CD276: variants seen among roughly 807,000 people sequenced by gnomAD.
CD276 encodes the protein CD276 antigen.
Under a neutral mutation model 50.0 loss-of-function variants are expected in CD276, and 34 were observed. That is an observed-to-expected ratio of 0.68 (90% CI 0.52 to 0.91). The LOEUF (loss-of-function observed/expected upper bound fraction) is 0.91, where lower values mean the gene tolerates loss of function less well. CD276 is among the 40% of genes least tolerant of loss of function. The pLI, the probability that CD276 is intolerant of heterozygous loss-of-function variation, is 0.00. For missense variants in CD276, 634 were observed against 717.5 expected (o/e 0.88, Z 1.33); for synonymous variants, 275 against 313.0 (o/e 0.88, Z 1.28).
intron 4 of CD276, 32 bp downstream of exon 4, chr15:73,703,118 G>T: frequency 6.5e-7 from 1 of 1,541,024 alleles, no homozygotes; most frequent in Non-Finnish European, 8.8e-7. Flanking sequence ...CTTGGGGGAG[G>T]GGGGTTCTGC....
At position 73,691,446 on chromosome 15, in the gene CD276, A is replaced by G. The variant is rs542136784; in HGVS notation, c.-55+6986A>G. Among the ~76,000 whole-genome samples, 4 of 152,264 alleles carry G rather than the reference A, an allele frequency of 2.6e-5. No homozygotes were observed. The South Asian group carries it at 6.3e-4, about 24-fold the overall frequency. On this transcript the variant is annotated intron_variant, in intron 1 of 9. Transcript: ENST00000318443. ...ATCCTTCTTAGTAATCTCAACAAGA[A>G]AGAGTCTTTTTTGATGGCTGCAGCA...
In CD276 at chr15:73,703,704, T is replaced by C; in HGVS notation, c.779T>C (p.Val260Ala). ...CCTGAGGACCCGGTGGTGGCCCTAG[T>C]GGGCACCGATGCCACCCTGCGCTGC... The part of the protein sequence containing the change: ...QVPEDPVVAL[V>A]GTDATLRCSF... Residue 260 changes from valine (V) to alanine (A), a missense_variant, in exon 5 of 10, where the codon GTG (valine) becomes GCG (alanine). Val to Ala is a moderately conservative substitution (Grantham distance 64). Coordinates refer to ENST00000318443, the MANE Select transcript of CD276 (RefSeq NM_001024736.2). 5 of 1,613,016 alleles carry C rather than the reference T, an allele frequency of 3.1e-6. No homozygotes were observed. Among genetic ancestry groups the C allele is most frequent in the Non-Finnish European group, 4.2e-6 (5 of 1,179,900 alleles).
chr15:73,689,192 G>C (rs74026251), intron 1 of CD276, among the ~76,000 whole-genome samples: 2 of 124,578 alleles, frequency 1.6e-5, no homozygotes, highest in East Asian at 2.1e-4. Flanking sequence ...TGCCTCCTGT[G>C]TGTGTGTGTG....
At chr15:73,685,690 G>A (rs1033663503) in intron 1 of CD276, among the ~76,000 whole-genome samples, 2 of 152,102 alleles carry the variant, frequency 1.3e-5, no homozygotes, top group Admixed American at 6.5e-5. Context: ...TTTATTTAGT[G>A]CGGCCTCCTC....
chr15:73,700,212 AG>A (rs1900323789), intron 2 of CD276, among the ~76,000 whole-genome samples: 1 of 152,192 alleles, frequency 6.6e-6, no homozygotes, highest in Non-Finnish European at 1.5e-5. Flanking sequence ...TTCAAAGAGC[AG>A]GGTCCATCTC....
Position 73,709,578 on chromosome 15 carries a change from G to A in CD276, c.1505-70G>A, listed in dbSNP as rs1900807577. 4.0e-6 allele frequency: 6 copies of A among 1,499,214 alleles called. No individual in the cohort carries two copies. In the East Asian group the frequency reaches 1.4e-4, roughly 34 times the overall value. 92.9% of individuals were successfully genotyped at this position (1,499,214 alleles called of 1,614,324 possible). On this transcript the variant is annotated intron_variant, in intron 7 of 9. Coordinates refer to ENST00000318443, the MANE Select transcript of CD276 (RefSeq NM_001024736.2). ...GTTCACCAGCTTCCTGCACTCTCAG[G>A]TGGGAAAGTGCTGGCATGAAAATGG...
At position 73,709,670 on chromosome 15, in the gene CD276, G is replaced by C; in HGVS notation, c.1527G>C (p.Glu509Asp). The part of the protein sequence containing the change: ...ENAGAEDQDG[E>D]GEGSKTALQP... ...CAGGAGCTGAGGACCAGGATGGGGA[G>C]GGAGAAGGCTCCAAGACAGGTGAGT... is the stretch of plus-strand genomic sequence containing the variant. Residue 509 changes from glutamate to aspartate, a missense_variant, in exon 8 of 10, where the codon GAG (glutamate) becomes GAC (aspartate). Transcript: ENST00000318443. 6.2e-7 allele frequency: 1 copy of C among 1,613,050 alleles called. No homozygotes were observed. Among genetic ancestry groups the C allele is most frequent in the Non-Finnish European group, 8.5e-7 (1 of 1,179,680 alleles).
At chr15:73,703,112 G>C (rs763865700) in intron 4 of CD276, 26 bp downstream of exon 4, 37 of 1,547,050 alleles carry the variant, frequency 2.4e-5, no homozygotes, top group Admixed American at 5.8e-5. Context: ...TGTCCCCTTG[G>C]GGGAGGGGGG....
intron 1 of CD276, among the ~76,000 whole-genome samples, chr15:73,690,511 G>A (rs1899944972): frequency 6.6e-6 from 1 of 152,180 alleles, no homozygotes; most frequent in African/African-American, 2.4e-5. Flanking sequence ...GAAGTCCAAG[G>A]GCATGGTGCT....
Position 73,712,969 on chromosome 15 carries a change from G to A in CD276, c.*13G>A, listed in dbSNP as rs1335567815. ...AGAAATAGCCTGACCATGAGGACCA[G>A]GGAGCTGCTACCCCTCCCTACAGCT... On this transcript the variant is annotated 3_prime_UTR_variant, in exon 10 of 10. Coordinates refer to ENST00000318443, the MANE Select transcript of CD276 (RefSeq NM_001024736.2). 2 of 1,613,622 alleles carry A rather than the reference G, an allele frequency of 1.2e-6. No homozygotes were observed. Among genetic ancestry groups the A allele is most frequent in the East Asian group, 4.5e-5 (2 of 44,860 alleles).
In CD276 at chr15:73,703,025, C is replaced by A; in HGVS notation, c.672C>A (p.Asn224Lys). ...ANGTYSCLVR[N>K]PVLQQDAHSS... Reference sequence around the variant, plus strand: ...GCACCTACAGCTGCCTGGTGCGCAACCCCGTGCTGCAGCAGGATGCGCACA... The same window carrying A: ...GCACCTACAGCTGCCTGGTGCGCAAACCCGTGCTGCAGCAGGATGCGCACA... Residue 224 changes from asparagine to lysine, a missense_variant, in exon 4 of 10, where the codon AAC becomes AAA. Asn to Lys is a moderately conservative substitution (Grantham distance 94). Coordinates refer to ENST00000318443, the MANE Select transcript of CD276 (RefSeq NM_001024736.2). 1 of 1,613,832 alleles carries A rather than the reference C, an allele frequency of 6.2e-7. No homozygotes were observed. The highest frequency in any genetic ancestry group is 8.5e-7 in the Non-Finnish European group (1 of 1,179,894).
intron 1 of CD276, chr15:73,686,246 C>T (rs551125484): frequency 2.1e-6 from 2 of 967,410 alleles, no homozygotes; most frequent in African/African-American, 1.8e-5. Context: ...CTCCTGCCTG[C>T]AGTAAGCTTT....
intron 1 of CD276, among the ~76,000 whole-genome samples, chr15:73,698,651 C>T (rs1900262037): frequency 6.6e-6 from 1 of 152,188 alleles, no homozygotes; most frequent in Admixed American, 6.5e-5. Context: ...ACCTCTGCCT[C>T]CTGGGTTCTA....
intron 1 of CD276, among the ~76,000 whole-genome samples, chr15:73,685,891 T>C (rs1899742829): frequency 6.6e-6 from 1 of 152,148 alleles, no homozygotes; most frequent in Non-Finnish European, 1.5e-5. Context: ...TATGGGGCTG[T>C]AGGGTATGAA....
intron 1 of CD276, among the ~76,000 whole-genome samples, chr15:73,696,877 G>A (rs1900199314): frequency 6.6e-6 from 1 of 152,126 alleles, no homozygotes; most frequent in East Asian, 1.9e-4. Flanking sequence ...GGGCTGGCAG[G>A]GAAAGAGAGG....
At chr15:73,691,585 G>A (rs944651253) in intron 1 of CD276, among the ~76,000 whole-genome samples, 18 of 152,320 alleles carry the variant, frequency 1.2e-4, no homozygotes, top group African/African-American at 4.3e-4. Context: ...CTTGTAACAT[G>A]CCCAGGCCCT....
rs563580628 is a variant in CD276, at chr15:73,685,343, G to T, written c.-55+883G>T. On this transcript the variant is annotated intron_variant, in intron 1 of 9. Transcript: ENST00000318443. Reference sequence around the variant, plus strand: ...GCAGGTTTGGCAGCCTAAGGCAGGGGATTTATTTCTAAGCCAAACCTGCTC... The same window carrying T: ...GCAGGTTTGGCAGCCTAAGGCAGGGTATTTATTTCTAAGCCAAACCTGCTC... 9.2e-5 allele frequency among the ~76,000 whole-genome samples: 14 copies of T among 152,188 alleles called. No homozygotes were observed. The East Asian group carries it at 1.2e-3, about 13-fold the overall frequency.
intron 1 of CD276, among the ~76,000 whole-genome samples, chr15:73,698,933 T>C (rs1191602721): frequency 6.6e-6 from 1 of 152,132 alleles, no homozygotes; most frequent in Non-Finnish European, 1.5e-5. Context: ...CTAGAGTGGG[T>C]TTTAAACATT....
rs2141566873 is a variant in CD276 at position 73,703,039 on chromosome 15, A to G, written c.686A>G (p.Gln229Arg). 1 of 1,613,276 alleles carries G rather than the reference A, an allele frequency of 6.2e-7. No homozygotes were observed. Among genetic ancestry groups the G allele is most frequent in the African/African-American group, 1.3e-5 (1 of 75,060 alleles). The change falls in exon 4 of 10, where the codon CAG (glutamine) becomes CGG (arginine). Residue 229 changes from glutamine (Q) to arginine (R), a missense_variant. Physicochemically the swap from Gln to Arg is conservative, Grantham distance 43 (BLOSUM62 1). Transcript: ENST00000318443. ...CTGGTGCGCAACCCCGTGCTGCAGCAGGATGCGCACAGCTCTGTCACCATC... is the reference window on the plus strand; with the variant it reads ...CTGGTGCGCAACCCCGTGCTGCAGCGGGATGCGCACAGCTCTGTCACCATC... ...SCLVRNPVLQ[Q>R]DAHSSVTITP...
Sources: gnomAD v4.1 joint callset for allele counts (sites outside exome capture counted in the v4.1 genomes callset) on GRCh38, gnomAD v4.1.1 for gene constraint, MANE v1.5 for transcripts, NCBI Gene and HGNC (gene_info 2026-07-23, HGNC 2026-07-21) for gene names.